GPC6: variants seen among roughly 807,000 people sequenced by gnomAD.
GPC6 encodes the protein glypican 6.
Under a neutral mutation model 55.2 loss-of-function variants are expected in GPC6, and 14 were observed. The ratio of observed to expected loss-of-function variants is 0.25; its 90% confidence interval spans 0.17 to 0.40. The LOEUF is 0.40. GPC6 is among the 10% of genes least tolerant of loss of function. GPC6 has a pLI of 1.00. For synonymous variants in GPC6, 278 were observed against 259.6 expected (o/e 1.07, Z -0.68); for missense variants, 641 against 708.5 (o/e 0.90, Z 1.08).
intron 1 of GPC6, among the ~76,000 whole-genome samples, chr13:93,315,800 AGAGT>A (rs1378711682): frequency 6.6e-6 from 1 of 151,804 alleles, no homozygotes; most frequent in African/African-American, 2.4e-5. Context: ...TTACTAAGAG[AGAGT>A]GAGTGGGGAG....
chr13:93,518,222 T>C (rs578107896), intron 1 of GPC6, among the ~76,000 whole-genome samples: 3 of 152,070 alleles, frequency 2.0e-5, no homozygotes, highest in African/African-American at 7.2e-5. Flanking sequence ...TGAAAACTTA[T>C]CTAGACAGAG....
intron 4 of GPC6, among the ~76,000 whole-genome samples, chr13:94,153,067 T>C (rs993229042): frequency 4.6e-5 from 7 of 152,176 alleles, no homozygotes; most frequent in African/African-American, 1.7e-4. Context: ...TTATGTGTCG[T>C]GCAACCATTA....
chr13:93,529,575 G>A (rs1881783646), intron 1 of GPC6, among the ~76,000 whole-genome samples: 1 of 144,688 alleles, frequency 6.9e-6, no homozygotes, highest in African/African-American at 2.7e-5. Context: ...GAGTGTAGTG[G>A]CACCATCTCG....
intron 6 of GPC6, among the ~76,000 whole-genome samples, chr13:94,323,062 C>A (rs1876920337): frequency 6.6e-6 from 1 of 152,114 alleles, no homozygotes; most frequent in African/African-American, 2.4e-5. Flanking sequence ...AACCTGCATC[C>A]ATGTGGTCCA....
At chr13:93,913,759 C>T (rs769704906) in intron 3 of GPC6, among the ~76,000 whole-genome samples, 11 of 152,076 alleles carry the variant, frequency 7.2e-5, no homozygotes, top group African/African-American at 2.2e-4. Context: ...TGGCAACAAC[C>T]GCTGGTCATT....
At chr13:93,663,299 T>TA (rs1323186616) in intron 2 of GPC6, among the ~76,000 whole-genome samples, 1 of 152,122 alleles carries the variant, frequency 6.6e-6, no homozygotes, top group Non-Finnish European at 1.5e-5. Flanking sequence ...TGGAATCACA[T>TA]ATAGCCCATA....
At chr13:93,989,105 A>G (rs1204581869) in intron 3 of GPC6, among the ~76,000 whole-genome samples, 1 of 152,188 alleles carries the variant, frequency 6.6e-6, no homozygotes, top group Admixed American at 6.6e-5. Flanking sequence ...CCAATGCTGG[A>G]TATTTGTAAT....
At chr13:94,278,215 A>C (rs114918489) in intron 4 of GPC6, among the ~76,000 whole-genome samples, 2,829 of 152,162 alleles carry the variant, frequency 0.019, 94 homozygotes, top group African/African-American at 0.064. Flanking sequence ...ATGGGAGTTC[A>C]TTTATGATTT....
chr13:93,773,775 T>C (rs1206381200), intron 2 of GPC6, among the ~76,000 whole-genome samples: 1 of 152,204 alleles, frequency 6.6e-6, no homozygotes, highest in Non-Finnish European at 1.5e-5. Context: ...TAGACTTTAA[T>C]AACAAGCATT....
chr13:94,304,447 C>T (rs1468199712), intron 5 of GPC6, among the ~76,000 whole-genome samples: 3 of 152,024 alleles, frequency 2.0e-5, no homozygotes, highest in South Asian at 2.1e-4. Flanking sequence ...TTAGACAACA[C>T]AGAATGAAAT....
intron 4 of GPC6, among the ~76,000 whole-genome samples, chr13:94,278,436 C>T (rs1333426305): frequency 6.6e-6 from 1 of 152,054 alleles, no homozygotes; most frequent in Non-Finnish European, 1.5e-5. Flanking sequence ...TTTCTTTCTC[C>T]TGCCTAATTG....
At chr13:94,027,044 A>G (rs77702326) in intron 3 of GPC6, among the ~76,000 whole-genome samples, 86 of 152,274 alleles carry the variant, frequency 5.6e-4, no homozygotes, top group Middle Eastern at 3.4e-3. Context: ...AAAAGCCCTT[A>G]TTGGTTTAGA....
chr13:93,519,876 T>TG (rs1370377954), intron 1 of GPC6, among the ~76,000 whole-genome samples: 1 of 152,024 alleles, frequency 6.6e-6, no homozygotes, highest in Non-Finnish European at 1.5e-5. Context: ...AAGAATGCTT[T>TG]GCTATGGTTT....
At chr13:94,137,856 G>C (rs1887241321) in intron 4 of GPC6, among the ~76,000 whole-genome samples, 1 of 152,044 alleles carries the variant, frequency 6.6e-6, no homozygotes, top group Non-Finnish European at 1.5e-5. Flanking sequence ...GAGGTGGAGG[G>C]GCCACATCAG....
chr13:94,095,243 T>C (rs1017625240), intron 4 of GPC6, among the ~76,000 whole-genome samples: 1 of 152,090 alleles, frequency 6.6e-6, no homozygotes, highest in Admixed American at 6.6e-5. Context: ...ATATGCTATA[T>C]AAAAAAGAGT....
chr13:93,487,505 G>A (rs12875366), intron 1 of GPC6, among the ~76,000 whole-genome samples: 1 of 152,140 alleles, frequency 6.6e-6, no homozygotes, highest in African/African-American at 2.4e-5. Flanking sequence ...ATACCTTTAA[G>A]AAACCCTTGG....
intron 4 of GPC6, among the ~76,000 whole-genome samples, chr13:94,092,546 A>G (rs1309818534): frequency 6.6e-6 from 1 of 152,116 alleles, no homozygotes; most frequent in Admixed American, 6.6e-5. Context: ...ATGGATACTT[A>G]GATTGATTCC....
At chr13:93,583,359 C>T (rs1314295030) in intron 2 of GPC6, among the ~76,000 whole-genome samples, 2 of 140,222 alleles carry the variant, frequency 1.4e-5, no homozygotes, top group Non-Finnish European at 2.9e-5. Flanking sequence ...TGTGTGCGCG[C>T]GCGCGTGCGT....
chr13:93,460,940 T>G (rs1329704497), intron 1 of GPC6, among the ~76,000 whole-genome samples: 1 of 152,174 alleles, frequency 6.6e-6, no homozygotes, highest in Non-Finnish European at 1.5e-5. Context: ...TATAAACTTA[T>G]GATTGAAATT....
Sources: allele counts gnomAD v4.1 joint callset (sites outside exome capture counted in the v4.1 genomes callset), GRCh38; gene constraint gnomAD v4.1.1; transcripts MANE v1.5; gene names NCBI Gene and HGNC (gene_info 2026-07-23, HGNC 2026-07-21).